The following UNC119B variants were observed in gnomAD, a reference collection of about 807,000 sequenced individuals.
UNC119B encodes protein unc-119 homolog B.
UNC119B carries 16 observed loss-of-function variants against 23.4 expected under a neutral mutation model. That is an observed-to-expected ratio of 0.68 (90% confidence interval 0.46 to 1.04). The LOEUF is 1.04. Ranked by LOEUF, UNC119B falls within the 50% of genes least tolerant of loss-of-function variation. The pLI is 0.00. For synonymous variants in UNC119B, 144 were observed against 145.4 expected (o/e 0.99, Z 0.07); for missense variants, 350 against 361.3 (o/e 0.97, Z 0.25).
Position 120,710,470 on chromosome 12 carries a change from G to A in UNC119B, c.-5G>A, listed in dbSNP as rs2136927574. 2.3e-6 allele frequency: 3 copies of A among 1,290,562 alleles called. No individual in the cohort carries two copies. The highest frequency in any genetic ancestry group is 2.9e-6 in the Non-Finnish European group (3 of 1,020,438). The allele number at this position is 1,290,562 out of a possible 1,614,324, so 79.9% of individuals were successfully genotyped here. A position where few individuals can be genotyped will look rare whatever the true frequency, so the allele number is the denominator to read the frequency against. On this transcript the variant is annotated 5_prime_UTR_variant, in exon 1 of 5. Transcript: ENST00000344651. ...GGAGGCGGCGGCCATCTTGGCGGCGGAGCGATGAGCGGGTCTAACCCGAAG... is the reference window on the plus strand; with the variant it reads ...GGAGGCGGCGGCCATCTTGGCGGCGAAGCGATGAGCGGGTCTAACCCGAAG...
At chr12:120,712,967 A>G (rs1452542919) in intron 1 of UNC119B, among the ~76,000 whole-genome samples, 1 of 152,256 alleles carries the variant, frequency 6.6e-6, no homozygotes, top group African/African-American at 2.4e-5. Context: ...CCCTGTTCTG[A>G]CATCCAACTT....
In UNC119B at chr12:120,720,183, G is replaced by A. The variant is rs982692889; in HGVS notation, c.*151G>A. 6.5e-6 allele frequency: 4 copies of A among 618,892 alleles called. No homozygotes were observed. Among genetic ancestry groups the A allele is most frequent in the Non-Finnish European group, 1.1e-5 (4 of 350,394 alleles). The allele number at this position is 618,892 out of a possible 1,614,324, so 38.3% of individuals were successfully genotyped here. On this transcript the variant is annotated 3_prime_UTR_variant, in exon 5 of 5. Transcript: ENST00000344651. ...TGGCAGTTTCCTGCGCGCCAAAGGA[G>A]CTGCCAAACAGTGCTGTGTTTTCTT...
intron 4 of UNC119B, among the ~76,000 whole-genome samples, chr12:120,718,580 G>A (rs1882828505): frequency 6.6e-6 from 1 of 152,210 alleles, no homozygotes; most frequent in Non-Finnish European, 1.5e-5. Flanking sequence ...GGCTGCTGCC[G>A]TGTAGCCTCG....
At chr12:120,714,389 T>C (rs552552576) in intron 2 of UNC119B, among the ~76,000 whole-genome samples, 91 of 152,128 alleles carry the variant, frequency 6.0e-4, no homozygotes, top group African/African-American at 2.2e-3. Context: ...GGCACAATCT[T>C]GGCTCACTGC....
In UNC119B at chr12:120,710,563, C is replaced by A; in HGVS notation, c.89C>A (p.Ala30Glu). ...GCTGGCAAGGAGGAGAAGAAGAAGG[C>A]GGGCGGCGGCGTCCTGAACCGCCTG... ...LVAGKEEKKK[A>E]GGGVLNRLKA... The change falls in exon 1 of 5, where the codon GCG becomes GAG. Residue 30 changes from alanine to glutamate, a missense_variant. Physicochemically the swap from Ala to Glu is moderately radical, Grantham distance 107 (BLOSUM62 -1). Coordinates refer to ENST00000344651, the MANE Select transcript of UNC119B (RefSeq NM_001080533.3). 1 of 1,394,070 alleles carries A rather than the reference C, an allele frequency of 7.2e-7. No individual in the cohort carries two copies. Among genetic ancestry groups the A allele is most frequent in the Non-Finnish European group, 9.2e-7 (1 of 1,081,734 alleles). The allele number at this position is 1,394,070 out of a possible 1,614,324, so 86.4% of individuals were successfully genotyped here. A position where few individuals can be genotyped will look rare whatever the true frequency, so the allele number is the denominator to read the frequency against.
At chr12:120,715,202 A>G (rs1021306336) in intron 2 of UNC119B, among the ~76,000 whole-genome samples, 1 of 152,156 alleles carries the variant, frequency 6.6e-6, no homozygotes, top group Non-Finnish European at 1.5e-5. Context: ...AAATAAATCA[A>G]TAAATATAAA....
chr12:120,717,981 G>C lies in UNC119B; in HGVS notation c.643+939G>C, dbSNP rs1006573355. The stretch of plus-strand genomic sequence containing the variant: ...CTGCCTCCTGGGTTCATGCCATTCT[G>C]CCTCAGCCTCCTGAGTAGCTGAGAC... On this transcript the variant is annotated intron_variant, in intron 4 of 4. Coordinates refer to ENST00000344651, the MANE Select transcript of UNC119B (RefSeq NM_001080533.3). Among the ~76,000 whole-genome samples, 8 of 151,176 alleles carry C rather than the reference G, an allele frequency of 5.3e-5. No individual in the cohort carries two copies. The East Asian group carries it at 1.2e-3, about 22-fold the overall frequency.
intron 2 of UNC119B, among the ~76,000 whole-genome samples, chr12:120,714,503 T>G (rs1057064243): frequency 1.3e-5 from 2 of 152,132 alleles, no homozygotes; most frequent in Non-Finnish European, 2.9e-5. Flanking sequence ...GTATTTTTAA[T>G]AGAGACGGGA....
Position 120,721,475 on chromosome 12 carries a change from T to G in UNC119B, c.*1443T>G, listed in dbSNP as rs1051899488. The G allele has an allele frequency of 1.3e-5, 2 of 152,282 alleles. No homozygotes were observed. Among genetic ancestry groups the G allele is most frequent in the Non-Finnish European group, 2.9e-5 (2 of 68,090 alleles). The allele number at this position is 152,282 out of a possible 1,614,324, so 9.4% of individuals were successfully genotyped here. A position where few individuals can be genotyped will look rare whatever the true frequency, so the allele number is the denominator to read the frequency against. On this transcript the variant is annotated 3_prime_UTR_variant, in exon 5 of 5. Coordinates refer to ENST00000344651, the MANE Select transcript of UNC119B (RefSeq NM_001080533.3). The stretch of plus-strand genomic sequence containing the variant: ...CCTGTGACAGGAGAGTGTCCTGATG[T>G]GCTTGGGAGAAAGGCCGTATGGGGG...
Position 120,713,253 on chromosome 12 carries a change from GTT to G in UNC119B, c.245-19_245-18del. The G allele has an allele frequency of 6.6e-7, 1 of 1,518,840 alleles. No homozygotes were observed. The allele number at this position is 1,518,840 out of a possible 1,614,324, so 94.1% of individuals were successfully genotyped here. A position where few individuals can be genotyped will look rare whatever the true frequency, so the allele number is the denominator to read the frequency against. On this transcript the variant is annotated intron_variant, in intron 1 of 4. Coordinates refer to ENST00000344651, the MANE Select transcript of UNC119B (RefSeq NM_001080533.3). ...TTTGGAGGATTATTTAACAGTGTTG[GTT>G]TCTCTCTCTTGTTTTCAGATTATTT... is the stretch of plus-strand genomic sequence containing the variant.
intron 1 of UNC119B, chr12:120,711,199 A>AT (rs1405853187): frequency 6.5e-6 from 1 of 152,810 alleles, no homozygotes; most frequent in Non-Finnish European, 1.5e-5. Flanking sequence ...GCCCTCCCCC[A>AT]TTGCAGCCTG....
chr12:120,717,979 C>T (rs1352865119), intron 4 of UNC119B, among the ~76,000 whole-genome samples: 2 of 151,660 alleles, frequency 1.3e-5, no homozygotes, highest in Non-Finnish European at 2.9e-5. Context: ...TCATGCCATT[C>T]TGCCTCAGCC....
intron 4 of UNC119B, among the ~76,000 whole-genome samples, 186 bp downstream of exon 4, chr12:120,717,228 G>T (rs1882800773): frequency 6.6e-6 from 1 of 152,012 alleles, no homozygotes. Flanking sequence ...ACTCTGACTC[G>T]GCCCGTATGG....
intron 1 of UNC119B, among the ~76,000 whole-genome samples, chr12:120,712,751 T>C (rs1419689340): frequency 1.3e-5 from 2 of 152,234 alleles, no homozygotes; most frequent in Non-Finnish European, 2.9e-5. Flanking sequence ...TGGATGCTTT[T>C]GTGGCTACAA....
At chr12:120,713,126 C>G in intron 1 of UNC119B, 148 bp from the exon 2 acceptor site, 2 of 528,790 alleles carry the variant, frequency 3.8e-6, no homozygotes, top group Non-Finnish European at 6.6e-6. Context: ...ACAACTTCTG[C>G]TGGTGATAAC....
chr12:120,710,851 T>G, intron 1 of UNC119B, 133 bp downstream of exon 1: 2 of 869,378 alleles, frequency 2.3e-6, no homozygotes, highest in Non-Finnish European at 3.0e-6. Flanking sequence ...CGCTTCCCGC[T>G]GCCCCGCCGG....
chr12:120,718,182 A>G (rs879175107), intron 4 of UNC119B, among the ~76,000 whole-genome samples: 1 of 152,020 alleles, frequency 6.6e-6, no homozygotes, highest in South Asian at 2.1e-4. Context: ...TGAAGGTTTT[A>G]ATAATACAGG....
chr12:120,712,129 T>C (rs1413183666), intron 1 of UNC119B, among the ~76,000 whole-genome samples: 3 of 152,208 alleles, frequency 2.0e-5, no homozygotes, highest in Non-Finnish European at 4.4e-5. Context: ...CAGTGGGCAC[T>C]CAGATCCTAT....
chr12:120,711,884 C>T (rs1378238075), intron 1 of UNC119B: 1 of 152,234 alleles, frequency 6.6e-6, no homozygotes, highest in Non-Finnish European at 1.5e-5. Context: ...ATTTGGATGC[C>T]CCCGTTTCCC....
Sources: gnomAD v4.1 joint callset for allele counts (sites outside exome capture counted in the v4.1 genomes callset) on GRCh38, gnomAD v4.1.1 for gene constraint, MANE v1.5 for transcripts, NCBI Gene and HGNC (gene_info 2026-07-23, HGNC 2026-07-21) for gene names.